SERINC5: variants seen among roughly 807,000 people sequenced by gnomAD.
SERINC5 encodes serine incorporator 5.
Under a neutral mutation model 63.1 loss-of-function variants are expected in SERINC5, and 41 were observed. The ratio of observed to expected loss-of-function variants is 0.65; its 90% CI spans 0.51 to 0.84. SERINC5 has a LOEUF of 0.84. SERINC5 is among the 40% of genes least tolerant of loss of function. SERINC5 has a pLI of 0.00. For synonymous variants in SERINC5, 222 were observed against 215.2 expected, an observed-to-expected ratio of 1.03 and a Z score of -0.28; for missense variants, 523 against 573.0, an observed-to-expected ratio of 0.91 and a Z score of 0.89.
chr5:80,126,633 A>G (rs1744759414), intron 11 of SERINC5, among the ~76,000 whole-genome samples: 1 of 152,230 alleles, frequency 6.6e-6, no homozygotes, highest in Admixed American at 6.5e-5. Flanking sequence ...TTTCTAAAAC[A>G]CTGTTCTGCA....
chr5:80,146,885 C>A (rs1745860301), intron 10 of SERINC5, among the ~76,000 whole-genome samples: 1 of 152,170 alleles, frequency 6.6e-6, no homozygotes, highest in South Asian at 2.1e-4. Flanking sequence ...TCCAATCCAC[C>A]TTGGAAAGTA....
chr5:80,137,131 C>A (rs1365244853), downstream of SERINC5, among the ~76,000 whole-genome samples: 6 of 116,038 alleles, frequency 5.2e-5, no homozygotes, highest in East Asian at 3.0e-4. Flanking sequence ...CAGACTGAGA[C>A]CCTGTCTCAA....
At chr5:80,198,257 GAA>G (rs1158325246) in intron 2 of SERINC5, among the ~76,000 whole-genome samples, 1 of 152,122 alleles carries the variant, frequency 6.6e-6, no homozygotes, top group African/African-American at 2.4e-5. Context: ...TTGAGATGGG[GAA>G]ATGCTCCAAG....
chr5:80,123,624 C>T (rs1001736881), intron 11 of SERINC5, among the ~76,000 whole-genome samples: 3 of 152,154 alleles, frequency 2.0e-5, no homozygotes, highest in Non-Finnish European at 2.9e-5. Flanking sequence ...GATCCAGCTC[C>T]CCATCTCACC....
At chr5:80,169,290 C>T in intron 6 of SERINC5, 45 bp downstream of exon 6, 2 of 1,541,170 alleles carry the variant, frequency 1.3e-6, no homozygotes, top group Non-Finnish European at 1.8e-6. Context: ...CTCAAAGACA[C>T]TTAGGAAAAT....
At chr5:80,250,923 G>C (rs1306691006) in intron 1 of SERINC5, among the ~76,000 whole-genome samples, 2 of 151,862 alleles carry the variant, frequency 1.3e-5, no homozygotes, top group East Asian at 1.9e-4. Flanking sequence ...AAATCGAATG[G>C]AGCTCAGCTC....
At chr5:80,205,367 G>A (rs1312232341) in intron 1 of SERINC5, among the ~76,000 whole-genome samples, 2 of 152,132 alleles carry the variant, frequency 1.3e-5, no homozygotes, top group Non-Finnish European at 2.9e-5. Flanking sequence ...AACCCTAGAC[G>A]GTTTCAAAAG....
intron 1 of SERINC5, among the ~76,000 whole-genome samples, chr5:80,248,698 T>C (rs558291225): frequency 9.2e-5 from 14 of 152,276 alleles, no homozygotes; most frequent in African/African-American, 3.4e-4. Context: ...AAAATAAAAG[T>C]GCCAGTGCTA....
chr5:80,129,657 A>G (rs1206051784), intron 11 of SERINC5, among the ~76,000 whole-genome samples: 1 of 152,194 alleles, frequency 6.6e-6, no homozygotes, highest in Non-Finnish European at 1.5e-5. Context: ...ACATTCAATA[A>G]GATATTTTTC....
intron 1 of SERINC5, among the ~76,000 whole-genome samples, chr5:80,236,527 CTTTT>C (rs770470139): frequency 1.4e-5 from 2 of 143,704 alleles, no homozygotes; most frequent in Non-Finnish European, 3.1e-5. Flanking sequence ...AGTCCTAAAT[CTTTT>C]TTTTTTTTTT....
intron 11 of SERINC5, among the ~76,000 whole-genome samples, chr5:80,145,242 G>A (rs986578520): frequency 6.6e-6 from 1 of 152,058 alleles, no homozygotes; most frequent in African/African-American, 2.4e-5. Flanking sequence ...TACTCAAAAG[G>A]CTGAGGCAGG....
intron 1 of SERINC5, among the ~76,000 whole-genome samples, chr5:80,238,046 G>C (rs892200903): frequency 2.7e-5 from 4 of 147,434 alleles, no homozygotes; most frequent in African/African-American, 1.0e-4. Context: ...AGAGATTGCA[G>C]TGAGCAGAGA....
At chr5:80,202,005 A>C (rs1749867296) in intron 2 of SERINC5, among the ~76,000 whole-genome samples, 1 of 152,172 alleles carries the variant, frequency 6.6e-6, no homozygotes, top group South Asian at 2.1e-4. Flanking sequence ...TGGGAGGCCA[A>C]GGCGGGTAGA....
chr5:80,114,546 TG>T, intron 11 of SERINC5: 1 of 183,274 alleles, frequency 5.5e-6, no homozygotes, highest in Non-Finnish European at 1.2e-5. Flanking sequence ...CCCAGCTACT[TG>T]GGAGGCTGAG....
At chr5:80,215,594 G>A (rs1750625676) in intron 1 of SERINC5, among the ~76,000 whole-genome samples, 1 of 152,140 alleles carries the variant, frequency 6.6e-6, no homozygotes, top group South Asian at 2.1e-4. Context: ...TTTGAGTTCA[G>A]AGAATCCTCT....
In SERINC5 at chr5:80,229,072, G is replaced by A. The variant is rs569994004; in HGVS notation, c.28-26019C>T. ...TTTTGGGGATGGAGTTGCCTAGGCT[G>A]GAGTGCAGTGGTGCGATCTCGGCTC... On this transcript the variant is annotated intron_variant, in intron 1 of 11. Transcript: ENST00000507668. Among the ~76,000 whole-genome samples the A allele has an allele frequency of 3.0e-5, 4 of 132,922 alleles. No individual in the cohort carries two copies. The South Asian group carries it at 9.9e-4, about 33-fold the overall frequency. The allele number at this position is 132,922 out of a possible 152,430, so 87.2% of individuals were successfully genotyped here.
intron 11 of SERINC5, chr5:80,113,670 GA>G (rs1350802623): frequency 3.8e-5 from 9 of 235,042 alleles, no homozygotes; most frequent in Admixed American, 8.8e-5. Flanking sequence ...AGCAAAAGCA[GA>G]AAACCCTGAT....
chr5:80,242,824 G>A (rs552454172), intron 1 of SERINC5, among the ~76,000 whole-genome samples: 21 of 152,318 alleles, frequency 1.4e-4, no homozygotes, highest in Non-Finnish European at 2.6e-4. Context: ...TCCAGAGGCT[G>A]AGACATGAGA....
chr5:80,237,073 C>T (rs1751726921), intron 1 of SERINC5, among the ~76,000 whole-genome samples: 1 of 152,092 alleles, frequency 6.6e-6, no homozygotes, highest in South Asian at 2.1e-4. Flanking sequence ...GTGATCCACC[C>T]GCCTCGGCCT....
Sources: gnomAD v4.1 joint callset for allele counts (sites outside exome capture counted in the v4.1 genomes callset) on GRCh38, gnomAD v4.1.1 for gene constraint, MANE v1.5 for transcripts, NCBI Gene and HGNC (gene_info 2026-07-23, HGNC 2026-07-21) for gene names.